YEATS2: variants seen among roughly 807,000 people sequenced by gnomAD.
YEATS2 encodes the protein YEATS domain containing 2.
In YEATS2, 77 loss-of-function variants were observed where a neutral mutation model predicts 163.2. That is an observed-to-expected ratio of 0.47 (90% CI 0.39 to 0.57). The LOEUF (loss-of-function observed/expected upper bound fraction) is 0.57. YEATS2 is among the 20% of genes least tolerant of loss of function. YEATS2 has a pLI of 0.00. For missense variants in YEATS2, 1,549 were observed against 1,729.8 expected, an observed-to-expected ratio of 0.90 and a Z score of 1.85; for synonymous variants, 631 against 645.1, an observed-to-expected ratio of 0.98 and a Z score of 0.33.
At chr3:183,776,184 A>G (rs1173940901) in intron 18 of YEATS2, 61 bp downstream of exon 18, 2 of 1,466,628 alleles carry the variant, frequency 1.4e-6, no homozygotes, top group Non-Finnish European at 1.8e-6. Context: ...ATGCTTAATT[A>G]TAATTGATTT....
At chr3:183,708,160 CTT>C (rs35605564) in intron 1 of YEATS2, among the ~76,000 whole-genome samples, 4 of 120,884 alleles carry the variant, frequency 3.3e-5, no homozygotes, top group African/African-American at 6.3e-5. Context: ...GAATTGGCCA[CTT>C]TTTTTTTTTT....
intron 21 of YEATS2, chr3:183,793,239 A>T (rs1724828888): frequency 6.6e-6 from 8 of 1,218,898 alleles, no homozygotes; most frequent in Non-Finnish European, 7.4e-6. Context: ...GAGGCTGTGG[A>T]TGTTGTTGTT....
intron 22 of YEATS2, 42 bp from the exon 23 acceptor site, chr3:183,798,849 T>G: frequency 6.7e-7 from 1 of 1,486,856 alleles, no homozygotes; most frequent in South Asian, 1.1e-5. Flanking sequence ...TTAAAAATAA[T>G]TTTTGTATTT....
At chr3:183,720,903 A>G (rs987065708) in intron 4 of YEATS2, among the ~76,000 whole-genome samples, 7 of 139,276 alleles carry the variant, frequency 5.0e-5, no homozygotes, top group South Asian at 4.4e-4. Context: ...CTGCCTGTCA[A>G]TGATGTGGCT....
intron 8 of YEATS2, among the ~76,000 whole-genome samples, chr3:183,740,462 C>T (rs1260430883): frequency 6.6e-6 from 1 of 152,172 alleles, no homozygotes. Context: ...CTCCAGTGAA[C>T]ACACAAATGA....
intron 7 of YEATS2, among the ~76,000 whole-genome samples, chr3:183,729,778 T>G (rs994604454): frequency 6.6e-6 from 1 of 151,822 alleles, no homozygotes; most frequent in Non-Finnish European, 1.5e-5. Flanking sequence ...CAACCTCTGC[T>G]TCAGGTTCAA....
chr3:183,810,396 T>C lies in YEATS2; in HGVS notation c.4161-79T>C, dbSNP rs1365433146. Reference sequence around the variant, plus strand: ...CGGGGCCTCTGCCTGGGATGGTCCCTGTGATGAGTTAAGTGAATAAATGAT... The same window carrying C: ...CGGGGCCTCTGCCTGGGATGGTCCCCGTGATGAGTTAAGTGAATAAATGAT... On this transcript the variant is annotated intron_variant, in intron 30 of 30. Coordinates refer to ENST00000305135, the MANE Select transcript of YEATS2 (RefSeq NM_018023.5). 1.1e-5 allele frequency: 14 copies of C among 1,319,892 alleles called. No individual in the cohort carries two copies. In the Admixed American group the frequency reaches 1.5e-4, roughly 14 times the overall value. The allele number at this position is 1,319,892 out of a possible 1,614,324, so 81.8% of individuals were successfully genotyped here. A position where few individuals can be genotyped will look rare whatever the true frequency, so the allele number is the denominator to read the frequency against.
intron 1 of YEATS2, among the ~76,000 whole-genome samples, chr3:183,702,080 T>C (rs1000492430): frequency 3.3e-5 from 5 of 152,192 alleles, no homozygotes; most frequent in Non-Finnish European, 5.9e-5. Flanking sequence ...TTCCGACTCA[T>C]CCATGAAGTG....
intron 8 of YEATS2, among the ~76,000 whole-genome samples, chr3:183,738,469 G>A (rs868721030): frequency 3.3e-4 from 38 of 113,822 alleles, no homozygotes; most frequent in African/African-American, 1.3e-3. Flanking sequence ...AGTTACATAT[G>A]TATACATGTG....
At position 183,776,081 on chromosome 3, in the gene YEATS2, G is replaced by A. The variant is rs1219200629; in HGVS notation, c.2535G>A (p.Gln845=). ...QSTAGPGGIS[Q]HLTYTSYILK... ...CTGCTGGCCCTGGAGGGATATCTCA[G>A]CACCTGACTTACACATCTTACATCC... Residue 845 remains glutamine (Q), a synonymous_variant, in exon 18 of 31, where the codon CAG becomes CAA. Coordinates refer to ENST00000305135, the MANE Select transcript of YEATS2 (RefSeq NM_018023.5). 6.2e-7 allele frequency: 1 copy of A among 1,608,626 alleles called. No homozygotes were observed. Among genetic ancestry groups the A allele is most frequent in the Non-Finnish European group, 8.5e-7 (1 of 1,177,418 alleles).
intron 2 of YEATS2, among the ~76,000 whole-genome samples, chr3:183,716,200 C>G (rs1027545217): frequency 1.3e-5 from 2 of 152,144 alleles, no homozygotes; most frequent in African/African-American, 4.8e-5. Context: ...ACCTCGTGAT[C>G]CACCCGCCTC....
At chr3:183,771,508 CTT>C (rs199935565) in intron 15 of YEATS2, among the ~76,000 whole-genome samples, 1 of 48,780 alleles carries the variant, frequency 2.1e-5, no homozygotes, top group Non-Finnish European at 5.1e-5. Context: ...GTACTGGGGT[CTT>C]TTTTTTTTTT....
At chr3:183,789,815 A>G (rs1019843457) in intron 20 of YEATS2, among the ~76,000 whole-genome samples, 1 of 151,970 alleles carries the variant, frequency 6.6e-6, no homozygotes, top group African/African-American at 2.4e-5. Flanking sequence ...CTGGGATTAT[A>G]GGCATGAGCC....
At chr3:183,742,136 C>T (rs1179279936) in intron 8 of YEATS2, among the ~76,000 whole-genome samples, 1 of 151,924 alleles carries the variant, frequency 6.6e-6, no homozygotes, top group Non-Finnish European at 1.5e-5. Flanking sequence ...GCTTCATGGT[C>T]CCAGGAGGTT....
At chr3:183,733,996 G>A (rs1387559043) in intron 7 of YEATS2, among the ~76,000 whole-genome samples, 1 of 152,144 alleles carries the variant, frequency 6.6e-6, no homozygotes, top group Admixed American at 6.5e-5. Context: ...GAGCGGGCCA[G>A]CTCGCCAGAG....
chr3:183,778,005 G>A (rs1454616728), intron 19 of YEATS2, among the ~76,000 whole-genome samples: 3 of 151,418 alleles, frequency 2.0e-5, no homozygotes, highest in Non-Finnish European at 2.9e-5. Flanking sequence ...CCAGCTACTC[G>A]GGAGGCTAAG....
At chr3:183,798,291 A>G (rs942735041) in intron 22 of YEATS2, among the ~76,000 whole-genome samples, 1 of 152,016 alleles carries the variant, frequency 6.6e-6, no homozygotes, top group African/African-American at 2.4e-5. Flanking sequence ...CCCTTATCTA[A>G]AGTTGAGTTG....
intron 21 of YEATS2, chr3:183,793,548 G>A (rs899534399): frequency 5.8e-5 from 33 of 570,548 alleles, no homozygotes; most frequent in Non-Finnish European, 7.3e-5. Context: ...TCTCCCTGCT[G>A]TAAGTTCTAG....
At chr3:183,758,989 C>A in intron 13 of YEATS2, 24 bp downstream of exon 13, 1 of 1,391,782 alleles carries the variant, frequency 7.2e-7, no homozygotes, top group Non-Finnish European at 9.8e-7. Flanking sequence ...TGCGTTATTA[C>A]ACTTTGCTAG....
Sources: gnomAD v4.1 joint callset for allele counts (sites outside exome capture counted in the v4.1 genomes callset) on GRCh38, gnomAD v4.1.1 for gene constraint, MANE v1.5 for transcripts, NCBI Gene and HGNC (gene_info 2026-07-23, HGNC 2026-07-21) for gene names.